PRIM2: variants seen among roughly 807,000 people sequenced by gnomAD.
The protein encoded by PRIM2 is DNA primase subunit 2.
In PRIM2, 39 loss-of-function variants were observed where a neutral mutation model predicts 67.3. The observed-to-expected ratio is 0.58, with a 90% confidence interval of 0.45 to 0.76. The LOEUF (loss-of-function observed/expected upper bound fraction) is 0.76. Among genes scored for constraint, PRIM2 ranks in the 30% least tolerant of loss-of-function variants. PRIM2 has a pLI of 0.00. For synonymous variants in PRIM2, 143 were observed against 198.7 expected (o/e 0.72, Z 2.36); for missense variants, 398 against 598.7 (o/e 0.66, Z 3.50).
chr6:57,242,025 T>A, the PRIM2 span, among the ~76,000 whole-genome samples: 3 of 152,174 alleles, frequency 2.0e-5, no homozygotes, highest in African/African-American at 7.2e-5. Flanking sequence ...AGACATTACA[T>A]TAAAATTTTC....
chr6:57,515,740 G>A lies in PRIM2; in HGVS notation c.761+8286G>A, dbSNP rs1453451312. ...ATAAAGAAAATAAAAAGTGACCAGTGTATTAGTTTTCTATTCCAATCTTAA... is the reference window on the plus strand; with the variant it reads ...ATAAAGAAAATAAAAAGTGACCAGTATATTAGTTTTCTATTCCAATCTTAA... On this transcript the variant is annotated intron_variant, in intron 8 of 13. Transcript: ENST00000615550. Among the ~76,000 whole-genome samples the A allele has an allele frequency of 7.2e-5, 11 of 152,292 alleles. No homozygotes were observed. The East Asian group carries it at 2.1e-3, about 29-fold the overall frequency.
intron 13 of PRIM2, among the ~76,000 whole-genome samples, chr6:57,636,411 C>G (rs1422481565): frequency 0.1 from 15,756 of 152,100 alleles, 923 homozygotes; most frequent in East Asian, 0.21. Flanking sequence ...CCCCTTCCCC[C>G]CACATACAAA....
At position 57,637,905 on chromosome 6, in the gene PRIM2, C is replaced by G. The variant is rs1378463743; in HGVS notation, c.1299+5704C>G. Among the ~76,000 whole-genome samples the G allele has an allele frequency of 2.1e-4, 32 of 152,272 alleles. No individual in the cohort carries two copies. In the East Asian group the frequency reaches 6.0e-3, roughly 28 times the overall value. On this transcript the variant is annotated intron_variant, in intron 13 of 13. Coordinates refer to ENST00000615550, the MANE Select transcript of PRIM2 (RefSeq NM_000947.5). ...AATTCAGGAAATGCAGAGAACACCA[C>G]AAAGATACTCCTCAAGAAGAACAAC... is the stretch of plus-strand genomic sequence containing the variant.
the PRIM2 span, among the ~76,000 whole-genome samples, chr6:57,247,873 G>A: frequency 1.3e-5 from 2 of 152,132 alleles, no homozygotes; most frequent in Non-Finnish European, 2.9e-5. Context: ...CCTGACTAGT[G>A]GGTGAGCATG....
chr6:57,351,729 A>G (rs953376370), intron 5 of PRIM2, among the ~76,000 whole-genome samples: 3 of 152,112 alleles, frequency 2.0e-5, no homozygotes, highest in Non-Finnish European at 4.4e-5. Flanking sequence ...CAGTAGAGAT[A>G]GACAGTGGGC....
At chr6:57,402,490 G>A (rs1028661161) in intron 7 of PRIM2, among the ~76,000 whole-genome samples, 7 of 152,280 alleles carry the variant, frequency 4.6e-5, no homozygotes, top group African/African-American at 1.7e-4. Context: ...CCTGAGAGCT[G>A]TATTACCTAA....
chr6:57,567,087 A>G (rs1775757865), intron 10 of PRIM2, among the ~76,000 whole-genome samples: 1 of 152,156 alleles, frequency 6.6e-6, no homozygotes. Flanking sequence ...AAACTGTCCC[A>G]TGGCTATACC....
the PRIM2 span, among the ~76,000 whole-genome samples, chr6:57,263,948 G>A: frequency 5.9e-5 from 9 of 152,300 alleles, no homozygotes; most frequent in South Asian, 1.5e-3. Context: ...AGACTAGAGC[G>A]TGCTGCCACC....
intron 10 of PRIM2, among the ~76,000 whole-genome samples, chr6:57,546,373 G>A (rs1346105923): frequency 1.3e-5 from 2 of 152,328 alleles, no homozygotes; most frequent in South Asian, 2.1e-4. Flanking sequence ...GTGATGTGGA[G>A]TAAGAAAGTT....
chr6:57,640,214 T>C (rs1777205398), intron 13 of PRIM2, among the ~76,000 whole-genome samples: 1 of 152,102 alleles, frequency 6.6e-6, no homozygotes, highest in African/African-American at 2.4e-5. Context: ...CTCAATAAAC[T>C]AGGTATTGAT....
intron 10 of PRIM2, among the ~76,000 whole-genome samples, chr6:57,555,552 T>C (rs1233210963): frequency 6.6e-6 from 1 of 152,210 alleles, no homozygotes; most frequent in African/African-American, 2.4e-5. Flanking sequence ...AGTGCTGGGA[T>C]TATAGGCGTG....
chr6:57,576,826 T>A (rs1234286925), intron 10 of PRIM2, among the ~76,000 whole-genome samples: 6 of 151,192 alleles, frequency 4.0e-5, no homozygotes, highest in African/African-American at 1.5e-4. Flanking sequence ...ATCTGAAAAT[T>A]CCCCTCTTAT....
chr6:57,618,814 C>T (rs1405281775), intron 12 of PRIM2, among the ~76,000 whole-genome samples: 1 of 151,904 alleles, frequency 6.6e-6, no homozygotes, highest in Non-Finnish European at 1.5e-5. Flanking sequence ...ATAGCCCCAC[C>T]CCCACCTGAC....
At chr6:57,328,093 C>T (rs1767928762) in intron 5 of PRIM2, among the ~76,000 whole-genome samples, 1 of 152,148 alleles carries the variant, frequency 6.6e-6, no homozygotes, top group Non-Finnish European at 1.5e-5. Flanking sequence ...CAGCCTGGTT[C>T]CTAATGGGCC....
the PRIM2 span, among the ~76,000 whole-genome samples, chr6:57,223,058 A>G: frequency 5.9e-5 from 9 of 152,246 alleles, no homozygotes; most frequent in South Asian, 6.2e-4. Flanking sequence ...AAGACCATCA[A>G]CAATAGAATA....
chr6:57,223,404 G>T, the PRIM2 span, among the ~76,000 whole-genome samples: 1 of 152,058 alleles, frequency 6.6e-6, no homozygotes, highest in Non-Finnish European at 1.5e-5. Context: ...TTATAAATGC[G>T]TGTCCATTTG....
At chr6:57,613,381 C>T (rs1162948893) in intron 12 of PRIM2, among the ~76,000 whole-genome samples, 1 of 152,010 alleles carries the variant, frequency 6.6e-6, no homozygotes, top group Non-Finnish European at 1.5e-5. Flanking sequence ...GGATACATTA[C>T]TTTGATTAAA....
At chr6:57,576,558 C>T in intron 10 of PRIM2, among the ~76,000 whole-genome samples, 1 of 152,176 alleles carries the variant, frequency 6.6e-6, no homozygotes, top group Middle Eastern at 3.4e-3. Flanking sequence ...GAGAAAGGAA[C>T]CACTTTGTTT....
At chr6:57,366,031 T>G (rs1371899554) in intron 5 of PRIM2, among the ~76,000 whole-genome samples, 4 of 149,024 alleles carry the variant, frequency 2.7e-5, no homozygotes, top group Admixed American at 2.7e-4. Flanking sequence ...CATATGTTAG[T>G]GAGGGAGATA....
Sources: gnomAD v4.1 joint callset for allele counts (sites outside exome capture counted in the v4.1 genomes callset) on GRCh38, gnomAD v4.1.1 for gene constraint, MANE v1.5 for transcripts, NCBI Gene and HGNC (gene_info 2026-07-23, HGNC 2026-07-21) for gene names.